LRRFIP1: variants seen among roughly 807,000 people sequenced by gnomAD.
LRRFIP1 encodes leucine-rich repeat flightless-interacting protein 1.
A neutral mutation model predicts 104.4 loss-of-function variants in LRRFIP1; 62 were observed. The ratio of observed to expected loss-of-function variants is 0.59; its 90% CI spans 0.48 to 0.73. The LOEUF (loss-of-function observed/expected upper bound fraction) is 0.73, where lower values mean the gene tolerates loss of function less well. Ranked by LOEUF, LRRFIP1 falls within the 30% of genes least tolerant of loss-of-function variation. The pLI is 0.00. For synonymous variants in LRRFIP1, 300 were observed against 299.0 expected (o/e 1.00, Z -0.03); for missense variants, 796 against 824.5 (o/e 0.97, Z 0.42).
intron 12 of LRRFIP1, among the ~76,000 whole-genome samples, 198 bp downstream of exon 12, chr2:237,748,597 A>G (rs911819438): frequency 1.3e-5 from 2 of 152,044 alleles, no homozygotes; most frequent in Non-Finnish European, 2.9e-5. Flanking sequence ...GATCCTGTAG[A>G]GCAGGGAGGC....
intron 1 of LRRFIP1, among the ~76,000 whole-genome samples, chr2:237,696,221 G>A (rs1410275156): frequency 7.2e-6 from 1 of 138,228 alleles, no homozygotes; most frequent in Non-Finnish European, 1.6e-5. Context: ...ATTTATTTGT[G>A]TAATGAAGAT....
intron 1 of LRRFIP1, among the ~76,000 whole-genome samples, chr2:237,698,513 C>A (rs753610553): frequency 6.6e-6 from 1 of 152,224 alleles, no homozygotes; most frequent in Non-Finnish European, 1.5e-5. Flanking sequence ...CCAGGTCCCC[C>A]GAGTGCAGAG....
intron 1 of LRRFIP1, among the ~76,000 whole-genome samples, chr2:237,707,452 A>G (rs2150005559): frequency 6.8e-6 from 1 of 147,020 alleles, no homozygotes; most frequent in South Asian, 2.1e-4. Flanking sequence ...CTCATCCCCA[A>G]AGGAAAAAGA....
chr2:237,632,550 C>T (rs759454781), intron 1 of LRRFIP1, among the ~76,000 whole-genome samples: 4 of 152,212 alleles, frequency 2.6e-5, no homozygotes, highest in African/African-American at 2.4e-5. Context: ...CGGGTCTTTT[C>T]ATCCTAAGTC....
intron 1 of LRRFIP1, among the ~76,000 whole-genome samples, chr2:237,632,230 G>A (rs990877120): frequency 6.6e-5 from 10 of 152,222 alleles, no homozygotes; most frequent in Non-Finnish European, 1.5e-4. Context: ...TCCAGTTGTG[G>A]AGAAGGGGTT....
intron 1 of LRRFIP1, among the ~76,000 whole-genome samples, chr2:237,685,423 A>T (rs1271782312): frequency 1.3e-5 from 2 of 152,166 alleles, no homozygotes; most frequent in Admixed American, 1.3e-4. Context: ...AACGCCATGG[A>T]AGGGCTCTGA....
rs544305096 is a variant in LRRFIP1 at position 237,670,827 on chromosome 2, C to T, written c.97-37717C>T. Among the ~76,000 whole-genome samples the T allele has an allele frequency of 7.2e-5, 11 of 152,330 alleles. No homozygotes were observed. In the East Asian group the frequency reaches 7.7e-4, roughly 11 times the overall value. On this transcript the variant is annotated intron_variant, in intron 1 of 23. Coordinates refer to ENST00000308482, the MANE Select transcript of LRRFIP1 (RefSeq NM_001137550.2). The stretch of plus-strand genomic sequence containing the variant: ...ATTGTTCCTCCCCGTGGGGCCGTTA[C>T]GAGAAGCAAGCACATGGAAGCGTGC...
At position 237,692,186 on chromosome 2, in the gene LRRFIP1, C is replaced by G. The variant is rs915296808; in HGVS notation, c.97-16358C>G. On this transcript the variant is annotated intron_variant, in intron 1 of 23. Transcript: ENST00000308482. The stretch of plus-strand genomic sequence containing the variant: ...GGGCCGTGGGACGGGCGGAGGCGCC[C>G]GAGTCCCGCTTCCCCGGCGCCCTTC... 2,312 of 1,040,490 alleles carry G rather than the reference C, an allele frequency of 2.2e-3. 7 individuals carry two copies. Among genetic ancestry groups the G allele is most frequent in the Non-Finnish European group, 2.4e-3 (2,084 of 866,662 alleles). The allele number at this position is 1,040,490 out of a possible 1,614,324, so 64.5% of individuals were successfully genotyped here. A position where few individuals can be genotyped will look rare whatever the true frequency, so the allele number is the denominator to read the frequency against.
intron 15 of LRRFIP1, among the ~76,000 whole-genome samples, chr2:237,755,210 C>G (rs961538964): frequency 6.6e-6 from 1 of 152,314 alleles, no homozygotes; most frequent in East Asian, 1.9e-4. Flanking sequence ...GCTTCCTGGG[C>G]TGAGCCTCAG....
chr2:237,685,386 A>T (rs2092289167), intron 1 of LRRFIP1, among the ~76,000 whole-genome samples: 1 of 152,216 alleles, frequency 6.6e-6, no homozygotes, highest in African/African-American at 2.4e-5. Context: ...AGAGTGTATC[A>T]CAAAACAACA....
intron 1 of LRRFIP1, among the ~76,000 whole-genome samples, chr2:237,638,103 T>A (rs185937083): frequency 6.6e-6 from 1 of 152,328 alleles, no homozygotes; most frequent in Admixed American, 6.5e-5. Flanking sequence ...ATTGTGCACT[T>A]TGTTTCTATT....
At chr2:237,706,407 C>T (rs551674363) in intron 1 of LRRFIP1, among the ~76,000 whole-genome samples, 1 of 152,308 alleles carries the variant, frequency 6.6e-6, no homozygotes, top group African/African-American at 2.4e-5. Context: ...CCTCTGCCCC[C>T]CAACCCCCAA....
chr2:237,658,791 T>A (rs557153341), intron 1 of LRRFIP1, among the ~76,000 whole-genome samples: 1 of 152,284 alleles, frequency 6.6e-6, no homozygotes, highest in East Asian at 1.9e-4. Flanking sequence ...CCTGTTTCAA[T>A]TACCACCACC....
chr2:237,659,918 C>T (rs994200125), intron 1 of LRRFIP1, among the ~76,000 whole-genome samples: 5 of 152,090 alleles, frequency 3.3e-5, no homozygotes, highest in African/African-American at 1.2e-4. Flanking sequence ...GTATTACAGG[C>T]GTGAGCCACC....
intron 1 of LRRFIP1, among the ~76,000 whole-genome samples, chr2:237,635,375 G>T (rs2082935453): frequency 6.6e-6 from 1 of 152,194 alleles, no homozygotes; most frequent in African/African-American, 2.4e-5. Context: ...CAATTTTCCT[G>T]CATTTGAATA....
At chr2:237,674,233 A>G (rs2149573562) in intron 1 of LRRFIP1, among the ~76,000 whole-genome samples, 1 of 152,260 alleles carries the variant, frequency 6.6e-6, no homozygotes, top group East Asian at 1.9e-4. Flanking sequence ...GCCCATCAAC[A>G]TCTAGGTCGT....
intron 1 of LRRFIP1, among the ~76,000 whole-genome samples, chr2:237,639,196 C>A (rs947687291): frequency 1.3e-5 from 2 of 152,074 alleles, no homozygotes; most frequent in Non-Finnish European, 2.9e-5. Context: ...TTGGGATGTG[C>A]CCCAGGGCTG....
chr2:237,661,171 G>A lies in LRRFIP1; in HGVS notation c.96+33431G>A, dbSNP rs921362361. 6.6e-6 allele frequency among the ~76,000 whole-genome samples: 1 copy of A among 152,194 alleles called. No homozygotes were observed. The highest frequency in any genetic ancestry group is 1.5e-5 in the Non-Finnish European group (1 of 68,028). On this transcript the variant is annotated intron_variant, in intron 1 of 23. Coordinates refer to ENST00000308482, the MANE Select transcript of LRRFIP1 (RefSeq NM_001137550.2). The surrounding 1 kb of genome is among the most constrained non-coding windows in gnomAD (Gnocchi z 4.4). The stretch of plus-strand genomic sequence containing the variant: ...AACAGGGAAGGATATCTGGGGCCAC[G>A]CAGGGAGACCCTGGGGGATCCTGGG...
chr2:237,750,722 G>A (rs1389823115), intron 13 of LRRFIP1, among the ~76,000 whole-genome samples: 2 of 152,166 alleles, frequency 1.3e-5, no homozygotes, highest in South Asian at 4.1e-4. Flanking sequence ...CCGTTCATTT[G>A]TTCAGGTACT....
Sources: allele counts gnomAD v4.1 joint callset (sites outside exome capture counted in the v4.1 genomes callset), GRCh38; gene constraint gnomAD v4.1.1; non-coding constraint Gnocchi (gnomAD v3.1); transcripts MANE v1.5; gene names NCBI Gene and HGNC (gene_info 2026-07-23, HGNC 2026-07-21).